The following EXD3 variants were observed in gnomAD, a reference collection of about 807,000 sequenced individuals.
EXD3 encodes exonuclease mut-7 homolog.
A neutral mutation model predicts 98.0 loss-of-function variants in EXD3; 92 were observed. The observed-to-expected ratio is 0.94, with a 90% CI of 0.79 to 1.12. The LOEUF is 1.12. Among genes scored for constraint, EXD3 ranks in the 50% most tolerant of loss-of-function variants. The probability of loss-of-function intolerance (pLI) is 0.00; values close to 1 mark genes in which losing one functional copy is unlikely to be tolerated. For missense variants in EXD3, 1,222 were observed against 1,191.6 expected (o/e 1.03, Z -0.38); for synonymous variants, 569 against 526.0 (o/e 1.08, Z -1.12).
At chr9:137,352,870 G>A (rs1420356725) in intron 10 of EXD3, 84 bp from the exon 11 acceptor site, 22 of 1,486,860 alleles carry the variant, frequency 1.5e-5, no homozygotes, top group African/African-American at 2.8e-5. Flanking sequence ...CGTAGACCCC[G>A]ACCTTGCAGA....
intron 5 of EXD3, among the ~76,000 whole-genome samples, chr9:137,369,305 T>G (rs1835468403): frequency 6.6e-6 from 1 of 152,034 alleles, no homozygotes; most frequent in African/African-American, 2.4e-5. Context: ...CACCCGCAGC[T>G]TCACACAAGG....
chr9:137,376,000 C>T (rs1371966811), intron 3 of EXD3, among the ~76,000 whole-genome samples: 1 of 151,796 alleles, frequency 6.6e-6, no homozygotes, highest in Admixed American at 6.6e-5. Flanking sequence ...TTATATTTTA[C>T]TCTCTCTTCT....
At chr9:137,406,706 C>T (rs916271413) in intron 1 of EXD3, among the ~76,000 whole-genome samples, 5 of 152,196 alleles carry the variant, frequency 3.3e-5, no homozygotes, top group Non-Finnish European at 7.3e-5. Context: ...GCACTCCCAG[C>T]GGCTTCTGGA....
At chr9:137,318,118 G>T (rs1331336522) in intron 19 of EXD3, among the ~76,000 whole-genome samples, 1 of 152,178 alleles carries the variant, frequency 6.6e-6, no homozygotes, top group Non-Finnish European at 1.5e-5. Context: ...CTTGGGTCTG[G>T]GCTCTGAAGC....
rs148661621 is a variant in EXD3 at position 137,418,423 on chromosome 9, G to C, written c.-48+4691C>G. On this transcript the variant is annotated intron_variant, in intron 1 of 21. Transcript: ENST00000340951. ...AACACTGAAACATTAATTACTAAGCGTAAGTTTAAGCTTATATACTTTAGT... is the reference window on the plus strand; with the variant it reads ...AACACTGAAACATTAATTACTAAGCCTAAGTTTAAGCTTATATACTTTAGT... Among the ~76,000 whole-genome samples the C allele has an allele frequency of 3.0e-4, 45 of 152,304 alleles. No individual in the cohort carries two copies. The East Asian group carries it at 8.5e-3, about 29-fold the overall frequency.
chr9:137,326,549 A>G (rs1832413705), intron 17 of EXD3, among the ~76,000 whole-genome samples: 1 of 152,208 alleles, frequency 6.6e-6, no homozygotes, highest in Non-Finnish European at 1.5e-5. Flanking sequence ...ACAGTTGGCA[A>G]AGGACTTAAA....
At chr9:137,390,629 G>C (rs1588409275) in intron 2 of EXD3, among the ~76,000 whole-genome samples, 2 of 152,206 alleles carry the variant, frequency 1.3e-5, no homozygotes, top group East Asian at 3.8e-4. Flanking sequence ...CAGTGAGGAA[G>C]ATGAGCCCTC....
chr9:137,395,190 G>A lies in EXD3; in HGVS notation c.55+113C>T. 4.0e-6 allele frequency: 4 copies of A among 997,814 alleles called. No homozygotes were observed. Among genetic ancestry groups the A allele is most frequent in the Non-Finnish European group, 6.3e-6 (4 of 632,826 alleles). 61.8% of individuals were successfully genotyped at this position (997,814 alleles called of 1,614,324 possible). On this transcript the variant is annotated intron_variant, in intron 2 of 21. Coordinates refer to ENST00000340951, the MANE Select transcript of EXD3 (RefSeq NM_017820.5). The surrounding 1 kb of genome is among the most constrained non-coding windows in gnomAD (Gnocchi z 6.5). ...TAGAGAGGCCCGCAGCTAGGGGCCA[G>A]CAGCCTGGCCCTCGTCACTGAGTAC... is the stretch of plus-strand genomic sequence containing the variant.
intron 2 of EXD3, among the ~76,000 whole-genome samples, chr9:137,390,928 A>C (rs1836872959): frequency 6.6e-6 from 1 of 152,264 alleles, no homozygotes. Context: ...AGGGTGGCTC[A>C]GAGGCTGCCA....
At chr9:137,361,675 G>A (rs1835000795) in intron 7 of EXD3, among the ~76,000 whole-genome samples, 2 of 150,892 alleles carry the variant, frequency 1.3e-5, no homozygotes, top group African/African-American at 4.9e-5. Context: ...GAACCCGGGA[G>A]GCGGAGGTTG....
intron 17 of EXD3, among the ~76,000 whole-genome samples, chr9:137,339,738 C>A (rs1320029534): frequency 1.3e-5 from 2 of 152,082 alleles, no homozygotes; most frequent in African/African-American, 4.8e-5. Context: ...AAACCTACAG[C>A]AAATGTGGAA....
intron 10 of EXD3, chr9:137,354,067 C>T (rs1221531191): frequency 1.7e-5 from 21 of 1,225,272 alleles, no homozygotes; most frequent in Middle Eastern, 3.2e-4. Flanking sequence ...CAGGCAGCTC[C>T]GCTGGGTTGG....
chr9:137,355,500 G>GGAGAA (rs1564508323), intron 8 of EXD3, among the ~76,000 whole-genome samples: 2 of 82,270 alleles, frequency 2.4e-5, no homozygotes, highest in African/African-American at 9.4e-5. Context: ...GATGGAGGAA[G>GGAGAA]GAGGAAGGAG....
chr9:137,368,002 A>C lies in EXD3; in HGVS notation c.463-13T>G. 6.2e-7 allele frequency: 1 copy of C among 1,606,102 alleles called. No homozygotes were observed. Among genetic ancestry groups the C allele is most frequent in the Non-Finnish European group, 8.5e-7 (1 of 1,179,018 alleles). ...CCAGCGTGGCTGCCTGGCAAACACA[A>C]AGGCGGCAGATTACTCAGGGCCTGG... On this transcript the variant is annotated splice_polypyrimidine_tract_variant and intron_variant, in intron 5 of 21. Transcript: ENST00000340951.
chr9:137,372,556 C>CAT, intron 5 of EXD3, among the ~76,000 whole-genome samples: 1 of 152,364 alleles, frequency 6.6e-6, no homozygotes, highest in Non-Finnish European at 1.5e-5. Context: ...CAGAGGCTAA[C>CAT]AGACATGGTG....
chr9:137,332,572 A>ATG (rs1554804237), intron 17 of EXD3, among the ~76,000 whole-genome samples: 2 of 146,160 alleles, frequency 1.4e-5, no homozygotes, highest in African/African-American at 2.6e-5. Flanking sequence ...GGCCAGGCGC[A>ATG]GTGGCTCACG....
At chr9:137,376,077 G>T (rs1458450922) in intron 3 of EXD3, among the ~76,000 whole-genome samples, 1 of 152,114 alleles carries the variant, frequency 6.6e-6, no homozygotes, top group Non-Finnish European at 1.5e-5. Context: ...AGGCACGGTG[G>T]CTCATGCCTG....
chr9:137,330,587 CACA>C (rs2119148456), intron 17 of EXD3, among the ~76,000 whole-genome samples: 1 of 130,764 alleles, frequency 7.6e-6, no homozygotes, highest in African/African-American at 2.9e-5. Flanking sequence ...CACAGGACTA[CACA>C]GGACTACACA....
intron 4 of EXD3, 119 bp from the exon 5 acceptor site, chr9:137,373,191 C>T (rs925858885): frequency 3.1e-6 from 4 of 1,302,676 alleles, no homozygotes; most frequent in African/African-American, 2.9e-5. Context: ...GTGTGGGCAT[C>T]GGGTGGTCTG....
Sources: gnomAD v4.1 joint callset for allele counts (sites outside exome capture counted in the v4.1 genomes callset) on GRCh38, gnomAD v4.1.1 for gene constraint, Gnocchi (gnomAD v3.1) non-coding constraint, MANE v1.5 for transcripts, NCBI Gene and HGNC (gene_info 2026-07-23, HGNC 2026-07-21) for gene names.